Variants in GALNT13 observed in about 807,000 individuals in gnomAD.
GALNT13 encodes polypeptide N-acetylgalactosaminyltransferase 13.
Under a neutral mutation model 64.2 loss-of-function variants are expected in GALNT13, and 28 were observed. The ratio of observed to expected loss-of-function variants is 0.44; its 90% CI spans 0.32 to 0.60. The LOEUF is 0.60. Ranked by LOEUF, GALNT13 falls within the 20% of genes least tolerant of loss-of-function variation. GALNT13 has a pLI of 0.05. For synonymous variants in GALNT13, 214 were observed against 224.6 expected (o/e 0.95, Z 0.42); for missense variants, 577 against 669.8 (o/e 0.86, Z 1.53).
At chr2:154,192,690 C>T (rs1175010376) in intron 4 of GALNT13, among the ~76,000 whole-genome samples, 1 of 152,072 alleles carries the variant, frequency 6.6e-6, no homozygotes, top group Non-Finnish European at 1.5e-5. Flanking sequence ...GTTTTAGTCA[C>T]ATACATGAAA....
At chr2:154,130,566 CA>C (rs1347346121) in intron 3 of GALNT13, among the ~76,000 whole-genome samples, 1 of 151,884 alleles carries the variant, frequency 6.6e-6, no homozygotes, top group African/African-American at 2.4e-5. Flanking sequence ...TTTTTACTTC[CA>C]AAAAGGACTT....
At chr2:154,144,917 AT>A (rs925964388) in intron 4 of GALNT13, among the ~76,000 whole-genome samples, 67 of 151,506 alleles carry the variant, frequency 4.4e-4, no homozygotes, top group African/African-American at 1.5e-3. Flanking sequence ...TGTAATCCTA[AT>A]TTTTTTGATA....
the GALNT13 span, among the ~76,000 whole-genome samples, chr2:153,690,445 T>C: frequency 6.6e-6 from 1 of 152,224 alleles, no homozygotes; most frequent in Middle Eastern, 3.4e-3. Flanking sequence ...TGAGAGATGG[T>C]CTGTTTCTGT....
chr2:153,851,116 C>G, the GALNT13 span, among the ~76,000 whole-genome samples: 10 of 152,062 alleles, frequency 6.6e-5, no homozygotes, highest in Middle Eastern at 3.4e-3. Flanking sequence ...CATAACTTAT[C>G]ATAATCAAAT....
intron 8 of GALNT13, among the ~76,000 whole-genome samples, chr2:154,275,868 G>T (rs112749233): frequency 0.017 from 2,536 of 152,322 alleles, 67 homozygotes; most frequent in African/African-American, 0.057. Context: ...CCACAGGAAT[G>T]GAGCTACCCA....
chr2:153,539,770 G>C, the GALNT13 span, among the ~76,000 whole-genome samples: 20 of 151,898 alleles, frequency 1.3e-4, no homozygotes, highest in African/African-American at 4.8e-4. Context: ...TTTGGTACCA[G>C]TACCATGCTG....
At chr2:153,443,158 AACCTAGGGCCCTGG>A in the GALNT13 span, among the ~76,000 whole-genome samples, 1 of 152,222 alleles carries the variant, frequency 6.6e-6, no homozygotes, top group African/African-American at 2.4e-5. Flanking sequence ...TTGTGCTTGA[AACCTAGGGCCCTGG>A]TAGCATAGGC....
chr2:153,195,358 C>G, the GALNT13 span, among the ~76,000 whole-genome samples: 1 of 152,282 alleles, frequency 6.6e-6, no homozygotes, highest in South Asian at 2.1e-4. Flanking sequence ...CCAAGGGAAA[C>G]TGTGAGTCAA....
intron 8 of GALNT13, chr2:154,287,001 A>G: frequency 1.7e-6 from 1 of 587,778 alleles, no homozygotes. Context: ...TTGATGCAGG[A>G]GAACTGATCA....
At chr2:154,008,314 T>G (rs984792461) in intron 3 of GALNT13, among the ~76,000 whole-genome samples, 1 of 152,226 alleles carries the variant, frequency 6.6e-6, no homozygotes. Flanking sequence ...TTAGGAGTAT[T>G]TGGGTTATCC....
chr2:153,639,221 G>A, the GALNT13 span, among the ~76,000 whole-genome samples: 1 of 152,076 alleles, frequency 6.6e-6, no homozygotes, highest in Non-Finnish European at 1.5e-5. Flanking sequence ...ATGAAAAGGA[G>A]TTAGGATTAA....
chr2:154,407,224 A>T (rs1389277774), intron 10 of GALNT13, among the ~76,000 whole-genome samples: 1 of 152,172 alleles, frequency 6.6e-6, no homozygotes, highest in African/African-American at 2.4e-5. Context: ...TGCATACCTT[A>T]CATCTAAAAA....
At chr2:153,702,157 G>T in the GALNT13 span, among the ~76,000 whole-genome samples, 1 of 152,138 alleles carries the variant, frequency 6.6e-6, no homozygotes, top group Non-Finnish European at 1.5e-5. Context: ...GCTGTAAAAA[G>T]GAATGAGATC....
the GALNT13 span, among the ~76,000 whole-genome samples, chr2:153,627,867 G>T: frequency 6.6e-6 from 1 of 152,008 alleles, no homozygotes; most frequent in Admixed American, 6.6e-5. Context: ...CTTTAAAGTA[G>T]TTTTTTCCAA....
chr2:153,892,576 C>G (rs1427843250), intron 1 of GALNT13, among the ~76,000 whole-genome samples: 1 of 152,004 alleles, frequency 6.6e-6, no homozygotes, highest in Non-Finnish European at 1.5e-5. Flanking sequence ...AAATTAATAT[C>G]TAAGCAATCT....
intron 8 of GALNT13, among the ~76,000 whole-genome samples, chr2:154,271,762 G>A (rs1221336033): frequency 6.6e-6 from 1 of 151,730 alleles, no homozygotes; most frequent in Admixed American, 6.6e-5. Flanking sequence ...TAATTTATGT[G>A]TATGTGAGTC....
chr2:153,548,747 A>G, the GALNT13 span, among the ~76,000 whole-genome samples: 5 of 152,206 alleles, frequency 3.3e-5, no homozygotes, highest in African/African-American at 4.8e-5. Flanking sequence ...ATAATAGTAT[A>G]TCAAGACTCA....
intron 1 of GALNT13, among the ~76,000 whole-genome samples, chr2:153,880,382 A>G (rs1463008455): frequency 6.6e-6 from 1 of 152,110 alleles, no homozygotes; most frequent in Non-Finnish European, 1.5e-5. Context: ...TTTTAAAATG[A>G]ATTTTATTTT....
the GALNT13 span, among the ~76,000 whole-genome samples, chr2:153,261,401 C>G: frequency 6.6e-6 from 1 of 152,164 alleles, no homozygotes. Context: ...AAATCTTGGT[C>G]ATTGCAGCCA....
Sources: gnomAD v4.1 joint callset for allele counts (sites outside exome capture counted in the v4.1 genomes callset) on GRCh38, gnomAD v4.1.1 for gene constraint, MANE v1.5 for transcripts, NCBI Gene and HGNC (gene_info 2026-07-23, HGNC 2026-07-21) for gene names.